SGCZ: variants seen among roughly 807,000 people sequenced by gnomAD.
The protein encoded by SGCZ is zeta-sarcoglycan.
In SGCZ, 40 loss-of-function variants were observed where a neutral mutation model predicts 41.3. The ratio of observed to expected loss-of-function variants is 0.97; its 90% confidence interval spans 0.75 to 1.26. SGCZ has a LOEUF of 1.26. SGCZ is among the 50% of genes most tolerant of loss of function. The pLI, the probability that SGCZ is intolerant of heterozygous loss-of-function variation, is 0.00. For synonymous variants in SGCZ, 206 were observed against 137.5 expected, an observed-to-expected ratio of 1.50 and a Z score of -3.49; for missense variants, 552 against 369.8, an observed-to-expected ratio of 1.49 and a Z score of -4.04.
intron 3 of SGCZ, among the ~76,000 whole-genome samples, chr8:14,265,179 C>T (rs547413139): frequency 6.6e-6 from 1 of 152,240 alleles, no homozygotes; most frequent in South Asian, 2.1e-4. Context: ...TTCAAAATAG[C>T]TTTAAAACCC....
intron 1 of SGCZ, among the ~76,000 whole-genome samples, chr8:15,223,758 GA>G (rs1193995220): frequency 6.6e-6 from 1 of 152,112 alleles, no homozygotes; most frequent in Non-Finnish European, 1.5e-5. Flanking sequence ...AGATAGTATG[GA>G]GTCATTACAG....
intron 1 of SGCZ, among the ~76,000 whole-genome samples, chr8:15,125,312 C>A (rs1807639554): frequency 6.6e-6 from 1 of 152,090 alleles, no homozygotes; most frequent in African/African-American, 2.4e-5. Context: ...ACTCATCTAC[C>A]CTTATGTATG....
At chr8:14,359,084 C>A (rs1803408034) in intron 2 of SGCZ, among the ~76,000 whole-genome samples, 1 of 151,866 alleles carries the variant, frequency 6.6e-6, no homozygotes, top group South Asian at 2.1e-4. Flanking sequence ...ATATTGATAT[C>A]TATTGGTAAT....
chr8:14,640,626 A>G (rs544212344), intron 1 of SGCZ, among the ~76,000 whole-genome samples: 2 of 148,284 alleles, frequency 1.3e-5, no homozygotes, highest in South Asian at 2.2e-4. Flanking sequence ...ATACACACAT[A>G]TATGTGCAAA....
chr8:14,248,452 G>A (rs1426249728), intron 3 of SGCZ, among the ~76,000 whole-genome samples: 1 of 152,112 alleles, frequency 6.6e-6, no homozygotes, highest in Non-Finnish European at 1.5e-5. Context: ...TATCATGAAT[G>A]ATGAAAACTA....
chr8:14,201,767 A>T (rs76115212), intron 4 of SGCZ, among the ~76,000 whole-genome samples: 166 of 152,304 alleles, frequency 1.1e-3, no homozygotes, highest in South Asian at 7.5e-3. Context: ...ATTTAACTAC[A>T]CAAATTATAC....
intron 1 of SGCZ, among the ~76,000 whole-genome samples, chr8:14,788,221 A>G (rs1165758307): frequency 6.6e-6 from 1 of 152,188 alleles, no homozygotes; most frequent in Non-Finnish European, 1.5e-5. Flanking sequence ...TCTAGAATAA[A>G]GCACATAATG....
intron 3 of SGCZ, among the ~76,000 whole-genome samples, chr8:14,300,680 T>C (rs979561641): frequency 1.3e-5 from 2 of 151,982 alleles, no homozygotes; most frequent in Non-Finnish European, 2.9e-5. Flanking sequence ...TATGAGATCA[T>C]ATGAGAGTAT....
intron 4 of SGCZ, among the ~76,000 whole-genome samples, chr8:14,201,515 G>T (rs2117071172): frequency 6.6e-6 from 1 of 152,230 alleles, no homozygotes; most frequent in African/African-American, 2.4e-5. Flanking sequence ...CTGAGTGAAA[G>T]AAACCACACT....
intron 2 of SGCZ, among the ~76,000 whole-genome samples, chr8:14,393,356 T>TA (rs11417882): frequency 0.17 from 25,622 of 151,982 alleles, 5,089 homozygotes; most frequent in African/African-American, 0.48. Context: ...CAGCAGGAAC[T>TA]AGGACTAGAC....
intron 1 of SGCZ, among the ~76,000 whole-genome samples, chr8:15,166,977 C>T (rs1469208012): frequency 6.6e-6 from 1 of 151,894 alleles, no homozygotes; most frequent in Non-Finnish European, 1.5e-5. Context: ...TGAAGCGAAT[C>T]TTTTTGACTT....
intron 2 of SGCZ, among the ~76,000 whole-genome samples, chr8:14,520,886 G>T (rs1456793021): frequency 1.3e-5 from 2 of 151,978 alleles, no homozygotes; most frequent in East Asian, 1.9e-4. Context: ...AAAAATCAAC[G>T]TTATATAACA....
intron 1 of SGCZ, among the ~76,000 whole-genome samples, chr8:15,038,150 C>T (rs962174004): frequency 2.0e-5 from 3 of 151,884 alleles, no homozygotes; most frequent in African/African-American, 4.8e-5. Context: ...ATAACAAAAA[C>T]ATTCTTGAGC....
At chr8:14,916,966 C>T (rs1799456926) in intron 1 of SGCZ, among the ~76,000 whole-genome samples, 2 of 152,134 alleles carry the variant, frequency 1.3e-5, no homozygotes, top group South Asian at 2.1e-4. Flanking sequence ...TCAAAGTCAT[C>T]CTTAAAGCAT....
chr8:14,169,402 A>G (rs1228943267), intron 4 of SGCZ, among the ~76,000 whole-genome samples: 1 of 152,102 alleles, frequency 6.6e-6, no homozygotes, highest in African/African-American at 2.4e-5. Context: ...AACTCCAATC[A>G]GGCATTATCT....
At chr8:14,514,464 T>C (rs979497395) in intron 2 of SGCZ, among the ~76,000 whole-genome samples, 2 of 151,882 alleles carry the variant, frequency 1.3e-5, no homozygotes, top group Non-Finnish European at 2.9e-5. Context: ...GAGAAGAATA[T>C]GTATACATTA....
intron 1 of SGCZ, among the ~76,000 whole-genome samples, chr8:14,585,786 T>C (rs1353993386): frequency 1.3e-5 from 2 of 152,156 alleles, no homozygotes; most frequent in African/African-American, 2.4e-5. Context: ...GATGATTCAA[T>C]GAAAACAAAG....
chr8:14,435,959 A>G (rs558960673), intron 2 of SGCZ, among the ~76,000 whole-genome samples: 2 of 152,322 alleles, frequency 1.3e-5, no homozygotes, highest in South Asian at 4.1e-4. Context: ...AATTGCCAAA[A>G]GTGTTTCAAT....
chr8:14,802,521 A>G (rs538029289), intron 1 of SGCZ, among the ~76,000 whole-genome samples: 152 of 152,318 alleles, frequency 1.0e-3, no homozygotes, highest in African/African-American at 3.4e-3. Context: ...CAAAATCACC[A>G]TTTAATTAAA....
Sources: gnomAD v4.1 joint callset for allele counts (sites outside exome capture counted in the v4.1 genomes callset) on GRCh38, gnomAD v4.1.1 for gene constraint, MANE v1.5 for transcripts, NCBI Gene and HGNC (gene_info 2026-07-23, HGNC 2026-07-21) for gene names.